Variants in KIDINS220 observed in about 807,000 individuals in gnomAD.
KIDINS220 encodes the protein kinase D-interacting substrate of 220 kDa.
In KIDINS220, 63 loss-of-function variants were observed where a neutral mutation model predicts 157.6. The observed-to-expected ratio is 0.40, with a 90% CI of 0.33 to 0.49. KIDINS220 has a LOEUF of 0.49. Ranked by LOEUF, KIDINS220 falls within the 20% of genes least tolerant of loss-of-function variation. KIDINS220 has a pLI of 0.66. For missense variants in KIDINS220, 1,772 were observed against 2,171.2 expected (o/e 0.82, Z 3.65); for synonymous variants, 732 against 783.6 (o/e 0.93, Z 1.10).
At chr2:8,783,857 T>G (rs1672033729) in intron 17 of KIDINS220, among the ~76,000 whole-genome samples, 2 of 152,146 alleles carry the variant, frequency 1.3e-5, no homozygotes, top group Non-Finnish European at 2.9e-5. Flanking sequence ...GTAGGAAGAC[T>G]CAATACTTGA....
rs1332388731 is a variant in KIDINS220 at position 8,736,802 on chromosome 2, G to A, written c.3717+66C>T. ...GGGAAGCTATACATAAAGTTTACAC[G>A]ACCCACACAGTCCTGTCTTCCGCCC... On this transcript the variant is annotated intron_variant, in intron 27 of 29. Transcript: ENST00000256707. 25 of 1,550,702 alleles carry A rather than the reference G, an allele frequency of 1.6e-5. No homozygotes were observed. The East Asian group carries it at 2.0e-4, about 13-fold the overall frequency.
At chr2:8,806,782 T>C (rs1675517189) in intron 6 of KIDINS220, among the ~76,000 whole-genome samples, 1 of 152,166 alleles carries the variant, frequency 6.6e-6, no homozygotes, top group Non-Finnish European at 1.5e-5. Flanking sequence ...GGTTTTGCCA[T>C]GTTGGCCAGG....
At position 8,730,242 on chromosome 2, in the gene KIDINS220, C is replaced by T. The variant is rs1663850614; in HGVS notation, c.*478G>A. 1.0e-6 allele frequency: 1 copy of T among 988,174 alleles called. No individual in the cohort carries two copies. Among genetic ancestry groups the T allele is most frequent in the Non-Finnish European group, 1.2e-6 (1 of 832,104 alleles). The allele number at this position is 988,174 out of a possible 1,614,324, so 61.2% of individuals were successfully genotyped here. A position where few individuals can be genotyped will look rare whatever the true frequency, so the allele number is the denominator to read the frequency against. ...CTGGATCTCGGTTTACTCAGCCTCT[C>T]CCTGTAGCGTCACAGGCTGTGCACT... On this transcript the variant is annotated 3_prime_UTR_variant, in exon 30 of 30. Transcript: ENST00000256707.
intron 6 of KIDINS220, among the ~76,000 whole-genome samples, chr2:8,807,226 C>T (rs1174598437): frequency 6.6e-6 from 1 of 152,322 alleles, no homozygotes; most frequent in Admixed American, 6.5e-5. Flanking sequence ...CACTCAAAAG[C>T]ACCTTTCCCT....
downstream of KIDINS220, chr2:8,727,413 T>G (rs1320012887): frequency 4.4e-6 from 1 of 225,410 alleles, no homozygotes; most frequent in Non-Finnish European, 7.5e-6. Flanking sequence ...CTAGTGCTTT[T>G]CCTGGTAGAT....
chr2:8,819,595 G>A (rs1677606754), intron 2 of KIDINS220, among the ~76,000 whole-genome samples: 1 of 152,166 alleles, frequency 6.6e-6, no homozygotes, highest in Non-Finnish European at 1.5e-5. Flanking sequence ...AGGCCAAGGT[G>A]GACGGATCAC....
intron 2 of KIDINS220, among the ~76,000 whole-genome samples, chr2:8,823,661 AT>A (rs1047647747): frequency 5.9e-5 from 9 of 152,092 alleles, no homozygotes; most frequent in Non-Finnish European, 1.3e-4. Flanking sequence ...TTGATGTGCT[AT>A]TTTTTCCTTC....
At chr2:8,727,313 A>C, downstream of KIDINS220, 1 of 1,000,110 alleles carries the variant, frequency 1.0e-6, no homozygotes, top group Non-Finnish European at 1.2e-6. Context: ...CTCAGTCTGG[A>C]GTGCTGGCCA....
intron 2 of KIDINS220, among the ~76,000 whole-genome samples, chr2:8,821,867 C>T (rs1678005130): frequency 6.6e-6 from 1 of 152,196 alleles, no homozygotes; most frequent in African/African-American, 2.4e-5. Context: ...CCAGTAACTA[C>T]AGTTGTAGAG....
intron 17 of KIDINS220, among the ~76,000 whole-genome samples, chr2:8,783,766 A>T (rs982093686): frequency 3.9e-5 from 6 of 152,238 alleles, no homozygotes; most frequent in African/African-American, 1.2e-4. Flanking sequence ...TATGTATAAG[A>T]TCTATATGAG....
In KIDINS220 at chr2:8,734,590, A is replaced by ATTT. The variant is rs1262585036; in HGVS notation, c.3816+64_3816+65insAAA. The ATTT allele has an allele frequency of 2.6e-6, 3 of 1,147,654 alleles. No individual in the cohort carries two copies. In the African/African-American group the frequency reaches 4.6e-5, roughly 18 times the overall value. 71.1% of individuals were successfully genotyped at this position (1,147,654 alleles called of 1,614,324 possible). A position where few individuals can be genotyped will look rare whatever the true frequency, so the allele number is the denominator to read the frequency against. ...ATTGATACTGGTTTTCTACAATGTT[A>ATTT]TAAATAATTTTGAATGTTATCATAA... On this transcript the variant is annotated intron_variant, in intron 28 of 29. Transcript: ENST00000256707.
At chr2:8,732,458 T>C (rs1348630049) in intron 29 of KIDINS220, among the ~76,000 whole-genome samples, 5 of 152,218 alleles carry the variant, frequency 3.3e-5, no homozygotes, top group Non-Finnish European at 7.3e-5. Context: ...GTCAACTTCA[T>C]TGATAAAATA....
intron 26 of KIDINS220, among the ~76,000 whole-genome samples, chr2:8,737,930 C>G (rs1259662682): frequency 6.6e-6 from 1 of 152,208 alleles, no homozygotes; most frequent in Admixed American, 6.5e-5. Context: ...ATAATGTTTT[C>G]AAGGTCCACC....
At chr2:8,802,314 C>T (rs1674835049) in intron 8 of KIDINS220, among the ~76,000 whole-genome samples, 1 of 152,152 alleles carries the variant, frequency 6.6e-6, no homozygotes, top group African/African-American at 2.4e-5. Flanking sequence ...AAAGCTACTG[C>T]TTTGACAGTA....
chr2:8,832,875 G>A (rs541142047), intron 1 of KIDINS220, among the ~76,000 whole-genome samples: 2 of 151,824 alleles, frequency 1.3e-5, no homozygotes, highest in African/African-American at 4.8e-5. Flanking sequence ...ATCATCCCAG[G>A]CTAGTTTCTT....
chr2:8,774,047 T>C (rs1381222913), intron 21 of KIDINS220, among the ~76,000 whole-genome samples: 1 of 152,134 alleles, frequency 6.6e-6, no homozygotes, highest in South Asian at 2.1e-4. Flanking sequence ...GGCTCATGCC[T>C]GTAATCCCAG....
rs942281005 is a variant in KIDINS220, at chr2:8,803,221, T to C, written c.604-94A>G. 3.7e-6 allele frequency: 4 copies of C among 1,095,534 alleles called. No homozygotes were observed. The African/African-American group carries it at 6.3e-5, about 17-fold the overall frequency. The allele number at this position is 1,095,534 out of a possible 1,614,324, so 67.9% of individuals were successfully genotyped here. ...ATGATTTATGCCATAATCATAAAAC[T>C]AATGTTTTCAAATAGGTGGCCTATT... is the stretch of plus-strand genomic sequence containing the variant. On this transcript the variant is annotated intron_variant, in intron 7 of 29. Transcript: ENST00000256707.
At chr2:8,753,800 A>C (rs1667672163) in intron 22 of KIDINS220, among the ~76,000 whole-genome samples, 2 of 152,228 alleles carry the variant, frequency 1.3e-5, no homozygotes, top group African/African-American at 2.4e-5. Flanking sequence ...AAAGTCATCT[A>C]AGGGAAAAAC....
chr2:8,740,151 C>T, intron 26 of KIDINS220: 1 of 982,148 alleles, frequency 1.0e-6, no homozygotes, highest in Non-Finnish European at 1.2e-6. Context: ...AGTTTCTGTA[C>T]CTGTCTCTGT....
Sources: gnomAD v4.1 joint callset for allele counts (sites outside exome capture counted in the v4.1 genomes callset) on GRCh38, gnomAD v4.1.1 for gene constraint, MANE v1.5 for transcripts, NCBI Gene and HGNC (gene_info 2026-07-23, HGNC 2026-07-21) for gene names.